Variants in TSPAN3 observed in about 807,000 individuals in gnomAD.
TSPAN3 encodes tetraspanin-3.
A neutral mutation model predicts 31.1 loss-of-function variants in TSPAN3; 9 were observed. The ratio of observed to expected loss-of-function variants is 0.29; its 90% CI spans 0.17 to 0.50. The LOEUF (loss-of-function observed/expected upper bound fraction) is 0.50. Ranked by LOEUF, TSPAN3 falls within the 20% of genes least tolerant of loss-of-function variation. The probability of loss-of-function intolerance (pLI) is 0.98; values close to 1 mark genes in which losing one functional copy is unlikely to be tolerated. For missense variants in TSPAN3, 252 were observed against 313.5 expected, an observed-to-expected ratio of 0.80 and a Z score of 1.48; for synonymous variants, 129 against 114.3, an observed-to-expected ratio of 1.13 and a Z score of -0.82.
Position 77,056,069 on chromosome 15 carries a change from C to T in TSPAN3, c.250G>A (p.Ala84Thr). Residue 84 changes from alanine (A) to threonine (T), a missense_variant, in exon 2 of 7, where the codon GCC (alanine) becomes ACC (threonine). By Grantham distance (58) the Ala-to-Thr change is moderately conservative (BLOSUM62 0). Transcript: ENST00000267970. ...ATIRESRCGL[A>T]TFVIILLLVF... ...GTTCTCACAACACATCTTACCGTGGCAAGTCCACAGCGACTTTCCCGGATT... is the reference window on the plus strand; with the variant it reads ...GTTCTCACAACACATCTTACCGTGGTAAGTCCACAGCGACTTTCCCGGATT... The T allele has an allele frequency of 6.2e-7, 1 of 1,605,284 alleles. No homozygotes were observed. Among genetic ancestry groups the T allele is most frequent in the Non-Finnish European group, 8.5e-7 (1 of 1,176,474 alleles).
chr15:77,065,918 A>C (rs1364516579), intron 1 of TSPAN3, among the ~76,000 whole-genome samples: 1 of 152,086 alleles, frequency 6.6e-6, no homozygotes, highest in African/African-American at 2.4e-5. Flanking sequence ...TTATACTATC[A>C]CCTCTCAGAT....
At position 77,049,660 on chromosome 15, in the gene TSPAN3, A is replaced by T. The variant is rs115509956; in HGVS notation, c.669+2725T>A. On this transcript the variant is annotated intron_variant, in intron 6 of 6. Transcript: ENST00000267970. The stretch of plus-strand genomic sequence containing the variant: ...TTCAAAAGTCCTGTTATTATAATTA[A>T]TTGGTATTTTTCAGGTTTTTCTTTC... Among the ~76,000 whole-genome samples, 477 of 152,300 alleles carry T rather than the reference A, an allele frequency of 3.1e-3. 4 individuals are homozygous for T. Among genetic ancestry groups the T allele is most frequent in the African/African-American group, 0.01 (428 of 41,552 alleles).
intron 1 of TSPAN3, chr15:77,068,134 A>T (rs951327585): frequency 7.9e-5 from 12 of 152,214 alleles, no homozygotes; most frequent in African/African-American, 2.9e-4. Flanking sequence ...GTTAGTCCAC[A>T]AACTAATACT....
In TSPAN3 at chr15:77,046,686, G is replaced by C; in HGVS notation, c.*149C>G. ...GAAAGTCGCAGGTAGTAGGTAAGTA[G>C]GTGGGCACATGAAAAGCCAAGCTGC... is the stretch of plus-strand genomic sequence containing the variant. On this transcript the variant is annotated 3_prime_UTR_variant, in exon 7 of 7. Coordinates refer to ENST00000267970, the MANE Select transcript of TSPAN3 (RefSeq NM_005724.6). The C allele has an allele frequency of 1.7e-6, 1 of 588,810 alleles. No homozygotes were observed. The highest frequency in any genetic ancestry group is 2.2e-5 in the South Asian group (1 of 45,122). 36.5% of individuals were successfully genotyped at this position (588,810 alleles called of 1,614,324 possible). A position where few individuals can be genotyped will look rare whatever the true frequency, so the allele number is the denominator to read the frequency against.
At chr15:77,061,682 A>T (rs1315579714) in intron 1 of TSPAN3, among the ~76,000 whole-genome samples, 3 of 152,228 alleles carry the variant, frequency 2.0e-5, no homozygotes. Context: ...CCAAAAGTAT[A>T]CCTACATGGA....
At chr15:77,049,355 G>A (rs1290316824) in intron 6 of TSPAN3, among the ~76,000 whole-genome samples, 1 of 152,082 alleles carries the variant, frequency 6.6e-6, no homozygotes, top group Non-Finnish European at 1.5e-5. Context: ...GCTCTTGATC[G>A]TTCTATCTTG....
intron 4 of TSPAN3, 33 bp downstream of exon 4, chr15:77,054,145 C>A: frequency 1.3e-6 from 2 of 1,497,376 alleles, no homozygotes; most frequent in South Asian, 2.3e-5. Context: ...CGTGATTGGT[C>A]CTCAAAAACA....
intron 1 of TSPAN3, among the ~76,000 whole-genome samples, chr15:77,056,577 A>G (rs2076770198): frequency 6.6e-6 from 1 of 152,134 alleles, no homozygotes; most frequent in Non-Finnish European, 1.5e-5. Flanking sequence ...AATACGGATC[A>G]GTATGGTGGT....
intron 1 of TSPAN3, among the ~76,000 whole-genome samples, chr15:77,057,204 A>G (rs937686602): frequency 1.3e-5 from 2 of 152,206 alleles, no homozygotes; most frequent in African/African-American, 4.8e-5. Flanking sequence ...CTCATATACA[A>G]ACAAGCAAAT....
At chr15:77,064,179 T>C (rs895031921) in intron 1 of TSPAN3, 4 of 152,068 alleles carry the variant, frequency 2.6e-5, no homozygotes, top group African/African-American at 7.3e-5. Context: ...GAAGAAGATA[T>C]GTCAATATTT....
chr15:77,070,385 CCACA>C (rs1396831432), intron 1 of TSPAN3, among the ~76,000 whole-genome samples: 1 of 152,352 alleles, frequency 6.6e-6, no homozygotes, highest in East Asian at 1.9e-4. Context: ...AGCCGGTTCT[CCACA>C]CACAAAGGGC....
chr15:77,057,791 C>A (rs1386273773), intron 1 of TSPAN3, among the ~76,000 whole-genome samples: 1 of 152,160 alleles, frequency 6.6e-6, no homozygotes, highest in Non-Finnish European at 1.5e-5. Context: ...TGGGCTACAG[C>A]AGCTATGGCT....
At position 77,070,877 on chromosome 15, in the gene TSPAN3, C is replaced by A; in HGVS notation, c.63+15G>T. Reference sequence around the variant, plus strand: ...GCCCCGCCGCCGGCCCCTCGCTCTGCCCGGCCCCGCTCACCCAGAAGATGA... The same window carrying A: ...GCCCCGCCGCCGGCCCCTCGCTCTGACCGGCCCCGCTCACCCAGAAGATGA... On this transcript the variant is annotated intron_variant, in intron 1 of 6. Coordinates refer to ENST00000267970, the MANE Select transcript of TSPAN3 (RefSeq NM_005724.6). 3.6e-6 allele frequency: 5 copies of A among 1,371,896 alleles called. No homozygotes were observed. The highest frequency in any genetic ancestry group is 4.8e-6 in the Non-Finnish European group (5 of 1,048,694). 85.0% of individuals were successfully genotyped at this position (1,371,896 alleles called of 1,614,324 possible).
At position 77,043,437 on chromosome 15, in the gene TSPAN3, G is replaced by C. The variant is rs909947995; in HGVS notation, c.*3398C>G. The C allele has an allele frequency of 1.3e-5, 2 of 152,202 alleles. No homozygotes were observed. Among genetic ancestry groups the C allele is most frequent in the Admixed American group, 1.3e-4 (2 of 15,278 alleles). 9.4% of individuals were successfully genotyped at this position (152,202 alleles called of 1,614,324 possible). On this transcript the variant is annotated 3_prime_UTR_variant, in exon 7 of 7. Transcript: ENST00000267970. ...GATGATCAAAACGAACATCCCCACTGTGGGGCAGATGGGCATTGTGTGCCT... is the reference window on the plus strand; with the variant it reads ...GATGATCAAAACGAACATCCCCACTCTGGGGCAGATGGGCATTGTGTGCCT...
At chr15:77,056,315 T>G in intron 1 of TSPAN3, 60 bp from the exon 2 acceptor site, 2 of 1,342,040 alleles carry the variant, frequency 1.5e-6, no homozygotes, top group Non-Finnish European at 2.0e-6. Flanking sequence ...TTCCTATTAT[T>G]GCTTAGTATG....
rs115731547 is a variant in TSPAN3, at chr15:77,056,024, T to G, written c.255+40A>C. ...AGTCTCATGTTCAAGGAGAGTAGCA[T>G]AGACTAAATACTCCTGCATGTTCTC... is the stretch of plus-strand genomic sequence containing the variant. On this transcript the variant is annotated intron_variant, in intron 2 of 6. Transcript: ENST00000267970. 1,759 of 1,566,082 alleles carry G rather than the reference T, an allele frequency of 1.1e-3. 13 individuals are homozygous for G. In the African/African-American group the frequency reaches 0.017, roughly 15 times the overall value.
chr15:77,047,501 T>C (rs1037234504), intron 6 of TSPAN3, among the ~76,000 whole-genome samples: 1 of 152,038 alleles, frequency 6.6e-6, no homozygotes, highest in Admixed American at 6.6e-5. Flanking sequence ...CAAATTCTGA[T>C]GCCAAAAAAA....
At position 77,046,749 on chromosome 15, in the gene TSPAN3, G is replaced by A; in HGVS notation, c.*86C>T. On this transcript the variant is annotated 3_prime_UTR_variant, in exon 7 of 7. Coordinates refer to ENST00000267970, the MANE Select transcript of TSPAN3 (RefSeq NM_005724.6). ...CAGTGTACATGTGCTTTAACTAAAT[G>A]AACTCCAGAGGCCAACAGCAGCAGA... The A allele has an allele frequency of 9.8e-7, 1 of 1,017,206 alleles. No individual in the cohort carries two copies. 63.0% of individuals were successfully genotyped at this position (1,017,206 alleles called of 1,614,324 possible). A position where few individuals can be genotyped will look rare whatever the true frequency, so the allele number is the denominator to read the frequency against.
At chr15:77,052,540 C>T (rs574066443) in intron 5 of TSPAN3, 72 bp from the exon 6 acceptor site, 30 of 1,405,266 alleles carry the variant, frequency 2.1e-5, no homozygotes, top group Non-Finnish European at 3.0e-5. Context: ...CAGGCCACTA[C>T]CCACTTACAG....
Sources: gnomAD v4.1 joint callset for allele counts (sites outside exome capture counted in the v4.1 genomes callset) on GRCh38, gnomAD v4.1.1 for gene constraint, MANE v1.5 for transcripts, NCBI Gene and HGNC (gene_info 2026-07-23, HGNC 2026-07-21) for gene names.